COL26A1: variants seen among roughly 807,000 people sequenced by gnomAD.
COL26A1 encodes the protein collagen type XXVI alpha 1 chain.
Under a neutral mutation model 59.3 loss-of-function variants are expected in COL26A1, and 41 were observed. The ratio of observed to expected loss-of-function variants is 0.69; its 90% CI spans 0.54 to 0.90. The LOEUF (loss-of-function observed/expected upper bound fraction) is 0.90, where lower values mean the gene tolerates loss of function less well. COL26A1 is among the 40% of genes least tolerant of loss of function. The pLI is 0.00. For missense variants in COL26A1, 612 were observed against 602.3 expected, an observed-to-expected ratio of 1.02 and a Z score of -0.17; for synonymous variants, 266 against 256.0, an observed-to-expected ratio of 1.04 and a Z score of -0.37.
At chr7:101,401,747 A>G (rs1368121992) in intron 1 of COL26A1, among the ~76,000 whole-genome samples, 2 of 134,724 alleles carry the variant, frequency 1.5e-5, no homozygotes, top group African/African-American at 6.2e-5. Context: ...AGGAGGAGGA[A>G]GAGGAGGAAG....
chr7:101,530,424 C>T (rs1009732440), intron 3 of COL26A1, among the ~76,000 whole-genome samples: 8 of 151,548 alleles, frequency 5.3e-5, no homozygotes, highest in South Asian at 4.2e-4. Flanking sequence ...CACAACTAGC[C>T]GGGCGTGGTG....
In COL26A1 at chr7:101,461,022, C is replaced by G. The variant is rs1490708541; in HGVS notation, c.385+13235C>G. On this transcript the variant is annotated intron_variant, in intron 3 of 12. Transcript: ENST00000313669. Reference sequence around the variant, plus strand: ...TTTGAAACAGGGTCTTGCTCTGTCACCCAGGCTGGAGTGCAGTGGAGCTAT... The same window carrying G: ...TTTGAAACAGGGTCTTGCTCTGTCAGCCAGGCTGGAGTGCAGTGGAGCTAT... 2.6e-5 allele frequency among the ~76,000 whole-genome samples: 4 copies of G among 152,090 alleles called. No homozygotes were observed. The South Asian group carries it at 6.2e-4, about 24-fold the overall frequency.
chr7:101,532,803 G>T (rs927643750), intron 3 of COL26A1, among the ~76,000 whole-genome samples: 1 of 152,172 alleles, frequency 6.6e-6, no homozygotes. Flanking sequence ...AAAGACCCCT[G>T]CCTTCATTGT....
intron 1 of COL26A1, among the ~76,000 whole-genome samples, chr7:101,406,034 C>T (rs1228275950): frequency 3.3e-5 from 5 of 152,138 alleles, no homozygotes; most frequent in African/African-American, 1.2e-4. Context: ...ACTCCCGGAG[C>T]CCCTCTCCCT....
intron 3 of COL26A1, among the ~76,000 whole-genome samples, chr7:101,482,647 A>G (rs995902179): frequency 6.6e-6 from 1 of 152,168 alleles, no homozygotes; most frequent in Non-Finnish European, 1.5e-5. Flanking sequence ...CTTCATGTGC[A>G]GTGCTGGTCA....
chr7:101,428,349 C>T (rs1792695891), intron 2 of COL26A1, among the ~76,000 whole-genome samples: 1 of 66,160 alleles, frequency 1.5e-5, no homozygotes, highest in South Asian at 5.3e-4. Flanking sequence ...CACAGTGAGA[C>T]CCTGTCTCAA....
At chr7:101,437,801 C>A (rs1436817797) in intron 2 of COL26A1, among the ~76,000 whole-genome samples, 1 of 151,122 alleles carries the variant, frequency 6.6e-6, no homozygotes, top group Non-Finnish European at 1.5e-5. Context: ...GTCTAAAACT[C>A]CTGGACTCAA....
chr7:101,385,571 A>G (rs907469846), intron 1 of COL26A1, among the ~76,000 whole-genome samples: 24 of 151,786 alleles, frequency 1.6e-4, no homozygotes, highest in Admixed American at 5.3e-4. Context: ...GGGTTTCTCC[A>G]TGTTGGCCAG....
intron 1 of COL26A1, among the ~76,000 whole-genome samples, chr7:101,378,398 A>G (rs1014392814): frequency 2.0e-5 from 3 of 152,106 alleles, no homozygotes; most frequent in Non-Finnish European, 4.4e-5. Flanking sequence ...CACTTTTATC[A>G]TATACTAAAT....
In COL26A1 at chr7:101,391,586, G is replaced by A. The variant is rs749029547; in HGVS notation, c.159-28391G>A. ...TATTATTATTTATTTTTGAGACGGA[G>A]TCTCACTCTTCTGCCCAGGCTGGAG... On this transcript the variant is annotated intron_variant, in intron 1 of 12. Transcript: ENST00000313669. Among the ~76,000 whole-genome samples the A allele has an allele frequency of 1.6e-4, 25 of 152,264 alleles. 1 individual carries two copies. The South Asian group carries it at 3.5e-3, about 21-fold the overall frequency.
chr7:101,504,524 C>T (rs1794767187), intron 3 of COL26A1, among the ~76,000 whole-genome samples: 1 of 152,206 alleles, frequency 6.6e-6, no homozygotes, highest in Non-Finnish European at 1.5e-5. Context: ...CTCTCCACTC[C>T]AGAGGCACCA....
chr7:101,514,138 C>T (rs1443970898), intron 3 of COL26A1, among the ~76,000 whole-genome samples: 1 of 152,028 alleles, frequency 6.6e-6, no homozygotes, highest in Admixed American at 6.6e-5. Context: ...GAGTTCAAGA[C>T]CAGCCTGGCC....
At chr7:101,373,065 TGAG>T (rs746926178) in intron 1 of COL26A1, among the ~76,000 whole-genome samples, 1 of 152,134 alleles carries the variant, frequency 6.6e-6, no homozygotes, top group African/African-American at 2.4e-5. Flanking sequence ...CCTGCCACCT[TGAG>T]GAGCTTGCCT....
At chr7:101,492,881 A>T (rs1285631828) in intron 3 of COL26A1, among the ~76,000 whole-genome samples, 1 of 150,962 alleles carries the variant, frequency 6.6e-6, no homozygotes, top group Non-Finnish European at 1.5e-5. Flanking sequence ...CTAGAGCTAC[A>T]GGCGTGCACC....
intron 1 of COL26A1, among the ~76,000 whole-genome samples, chr7:101,378,525 C>CA (rs937621811): frequency 2.0e-5 from 3 of 151,722 alleles, no homozygotes; most frequent in Non-Finnish European, 4.4e-5. Flanking sequence ...CCATCTAAAA[C>CA]AAAAAAAATT....
intron 1 of COL26A1, among the ~76,000 whole-genome samples, chr7:101,391,883 C>CTTTTCTTTTA (rs1270544778): frequency 4.8e-5 from 5 of 105,212 alleles, no homozygotes; most frequent in African/African-American, 1.6e-4. Context: ...CTTTTCTTTT[C>CTTTTCTTTTA]TTTTCTTTTT....
At chr7:101,435,748 G>C (rs952149100) in intron 2 of COL26A1, among the ~76,000 whole-genome samples, 1 of 152,132 alleles carries the variant, frequency 6.6e-6, no homozygotes. Context: ...TTCTTCGGCC[G>C]GGCTTCCCCT....
At chr7:101,510,886 TTTTC>T (rs200164585) in intron 3 of COL26A1, among the ~76,000 whole-genome samples, 2 of 136,932 alleles carry the variant, frequency 1.5e-5, no homozygotes, top group Admixed American at 7.0e-5. Context: ...ACTTTTTTCT[TTTTC>T]TTTCTTTCTT....
At chr7:101,403,912 A>G (rs1314981773) in intron 1 of COL26A1, among the ~76,000 whole-genome samples, 1 of 152,128 alleles carries the variant, frequency 6.6e-6, no homozygotes, top group Non-Finnish European at 1.5e-5. Flanking sequence ...CCTGGCCAAC[A>G]TGGTGAAACC....
Sources: gnomAD v4.1 joint callset for allele counts (sites outside exome capture counted in the v4.1 genomes callset) on GRCh38, gnomAD v4.1.1 for gene constraint, MANE v1.5 for transcripts, NCBI Gene and HGNC (gene_info 2026-07-23, HGNC 2026-07-21) for gene names.